Variants in TRPM7 observed in about 807,000 individuals in gnomAD.
TRPM7 encodes transient receptor potential cation channel subfamily M member 7.
A neutral mutation model predicts 229.7 loss-of-function variants in TRPM7; 134 were observed. That is an observed-to-expected ratio of 0.58 (90% CI 0.51 to 0.67). The LOEUF (loss-of-function observed/expected upper bound fraction) is 0.67. TRPM7 is among the 30% of genes least tolerant of loss of function. The pLI, the probability that TRPM7 is intolerant of heterozygous loss-of-function variation, is 0.00. For missense variants in TRPM7, 1,901 were observed against 2,210.0 expected (o/e 0.86, Z 2.80); for synonymous variants, 699 against 715.2 (o/e 0.98, Z 0.36).
intron 13 of TRPM7, among the ~76,000 whole-genome samples, chr15:50,618,342 G>A (rs2060286675): frequency 1.3e-5 from 2 of 151,992 alleles, no homozygotes; most frequent in Non-Finnish European, 2.9e-5. Flanking sequence ...AGGCCAAGGA[G>A]GGCAGATCAC....
chr15:50,621,604 T>C (rs1385222860), intron 12 of TRPM7, among the ~76,000 whole-genome samples: 1 of 152,196 alleles, frequency 6.6e-6, no homozygotes, highest in African/African-American at 2.4e-5. Flanking sequence ...CAGAGGCTTT[T>C]TGATGTGTGA....
At chr15:50,655,506 C>A (rs2061539807) in intron 3 of TRPM7, among the ~76,000 whole-genome samples, 1 of 149,496 alleles carries the variant, frequency 6.7e-6, no homozygotes, top group Non-Finnish European at 1.5e-5. Context: ...AATATTTACG[C>A]AAGCAGAATA....
chr15:50,657,298 T>G (rs962835656), intron 3 of TRPM7, among the ~76,000 whole-genome samples: 32 of 152,208 alleles, frequency 2.1e-4, no homozygotes, highest in Admixed American at 7.2e-4. Context: ...CACTCCAGCC[T>G]GGGTAACAGA....
At chr15:50,621,894 G>A (rs1406866194) in intron 12 of TRPM7, among the ~76,000 whole-genome samples, 1 of 152,048 alleles carries the variant, frequency 6.6e-6, no homozygotes, top group Non-Finnish European at 1.5e-5. Flanking sequence ...GCTGGGCGTG[G>A]TGGTGGGCAT....
intron 29 of TRPM7, among the ~76,000 whole-genome samples, chr15:50,582,205 C>T (rs570331092): frequency 2.0e-5 from 3 of 152,236 alleles, no homozygotes; most frequent in African/African-American, 7.2e-5. Flanking sequence ...GTGATCCACC[C>T]GCTTCGGCCT....
In TRPM7 at chr15:50,685,605, A is replaced by T. The variant is rs145418305; in HGVS notation, c.3+926T>A. ...GCGTCCAGTGAAAAGCAAACTTGCCAGACTCCAGCAGAGGGAGAGTTGTTT... is the reference window on the plus strand; with the variant it reads ...GCGTCCAGTGAAAAGCAAACTTGCCTGACTCCAGCAGAGGGAGAGTTGTTT... On this transcript the variant is annotated intron_variant, in intron 1 of 38. Transcript: ENST00000646667. Among the ~76,000 whole-genome samples, 131 of 152,372 alleles carry T rather than the reference A, an allele frequency of 8.6e-4. 2 individuals are homozygous for T. The East Asian group carries it at 0.014, about 16-fold the overall frequency.
intron 36 of TRPM7, among the ~76,000 whole-genome samples, chr15:50,572,075 G>A (rs544219329): frequency 6.6e-5 from 10 of 152,154 alleles, no homozygotes; most frequent in Non-Finnish European, 1.2e-4. Flanking sequence ...TTGAGGCCAG[G>A]AGTTCAAGAC....
Position 50,592,613 on chromosome 15 carries a change from A to C in TRPM7, c.3622T>G (p.Cys1208Gly). Residue 1208 changes from cysteine (C) to glycine (G), a missense_variant, in exon 26 of 39, where the codon TGC (cysteine) becomes GGC (glycine). Around this residue, in one of 8 missense-constraint regions of TRPM7, gnomAD observed 533 missense variants for 497.1 expected, o/e 1.07. Coordinates refer to ENST00000646667, the MANE Select transcript of TRPM7 (RefSeq NM_017672.6). ...RVTFERVEQM[C>G]IQIKEVGDRV... ...TCTCCAACTTCTTTAATCTGAATGC[A>C]CATCTGTTCCACTCTGTAGGAGAGA... 3 of 1,592,340 alleles carry C rather than the reference A, an allele frequency of 1.9e-6. No individual in the cohort carries two copies. The highest frequency in any genetic ancestry group is 3.3e-4 in the Middle Eastern group (2 of 6,016).
intron 31 of TRPM7, 66 bp from the exon 32 acceptor site, chr15:50,575,985 G>A (rs1243114980): frequency 2.7e-6 from 4 of 1,474,814 alleles, no homozygotes; most frequent in African/African-American, 1.4e-5. Context: ...TTTTAACCCG[G>A]ATAATCTCAT....
chr15:50,640,462 T>TC (rs1026663579), intron 5 of TRPM7, among the ~76,000 whole-genome samples: 3 of 150,584 alleles, frequency 2.0e-5, no homozygotes, highest in African/African-American at 7.3e-5. Context: ...TCTTTTTTTT[T>TC]TTTTTTTTAG....
At chr15:50,637,618 TAGTG>T (rs768065522) in intron 6 of TRPM7, 25 bp from the exon 7 acceptor site, 1 of 1,599,224 alleles carries the variant, frequency 6.3e-7, no homozygotes, top group Non-Finnish European at 8.5e-7. Context: ...ACAAAAGAGT[TAGTG>T]AGCAGGATTA....
At chr15:50,655,872 C>G (rs1054073079) in intron 3 of TRPM7, among the ~76,000 whole-genome samples, 1 of 152,040 alleles carries the variant, frequency 6.6e-6, no homozygotes, top group East Asian at 1.9e-4. Context: ...TGCCTGTAAT[C>G]CCAGCTTCTG....
intron 22 of TRPM7, among the ~76,000 whole-genome samples, chr15:50,596,983 C>T (rs553096731): frequency 7.2e-5 from 11 of 152,254 alleles, no homozygotes; most frequent in African/African-American, 2.4e-4. Flanking sequence ...CTCCTGACCT[C>T]GTGATCTGTC....
At chr15:50,642,417 C>G (rs2061129913) in intron 5 of TRPM7, among the ~76,000 whole-genome samples, 1 of 152,216 alleles carries the variant, frequency 6.6e-6, no homozygotes, top group Non-Finnish European at 1.5e-5. Flanking sequence ...CCACTCAAAT[C>G]TGATCTTGAA....
intron 6 of TRPM7, 47 bp downstream of exon 6, chr15:50,639,374 TTTG>T: frequency 1.4e-6 from 2 of 1,434,326 alleles, no homozygotes; most frequent in Non-Finnish European, 1.9e-6. Context: ...TTACTATAAT[TTTG>T]TTTACATATA....
In TRPM7 at chr15:50,610,046, T is replaced by C. The variant is rs978687567; in HGVS notation, c.2281-85A>G. On this transcript the variant is annotated intron_variant, in intron 17 of 38. Coordinates refer to ENST00000646667, the MANE Select transcript of TRPM7 (RefSeq NM_017672.6). ...AAAACAAAACAAAGAATAAAAACAATAAAAGATTTTAAATATCTTGTGATT... is the reference window on the plus strand; with the variant it reads ...AAAACAAAACAAAGAATAAAAACAACAAAAGATTTTAAATATCTTGTGATT... 2.0e-5 allele frequency: 20 copies of C among 1,023,476 alleles called. No individual in the cohort carries two copies. In the African/African-American group the frequency reaches 2.5e-4, roughly 13 times the overall value. 63.4% of individuals were successfully genotyped at this position (1,023,476 alleles called of 1,614,324 possible). A position where few individuals can be genotyped will look rare whatever the true frequency, so the allele number is the denominator to read the frequency against.
At chr15:50,607,156 CA>C (rs1210964716) in intron 20 of TRPM7, 43 bp downstream of exon 20, 1 of 1,566,492 alleles carries the variant, frequency 6.4e-7, no homozygotes, top group Non-Finnish European at 8.7e-7. Flanking sequence ...GAAAATCTTC[CA>C]TGTATACAGT....
At chr15:50,603,156 G>C (rs891712416) in intron 21 of TRPM7, among the ~76,000 whole-genome samples, 10 of 152,076 alleles carry the variant, frequency 6.6e-5, no homozygotes, top group East Asian at 5.8e-4. Flanking sequence ...CTCAATTAAG[G>C]GGGGGAAGAC....
intron 1 of TRPM7, among the ~76,000 whole-genome samples, chr15:50,667,256 C>G (rs1011043893): frequency 6.6e-6 from 1 of 152,146 alleles, no homozygotes; most frequent in Non-Finnish European, 1.5e-5. Context: ...TGAACGCTTT[C>G]CTCGCCCTGT....
Sources: allele counts gnomAD v4.1 joint callset (sites outside exome capture counted in the v4.1 genomes callset), GRCh38; gene constraint gnomAD v4.1.1; regional missense constraint gnomAD v4.1.1; transcripts MANE v1.5; gene names NCBI Gene and HGNC (gene_info 2026-07-23, HGNC 2026-07-21).